Variants in ARFGEF3 observed in about 807,000 individuals in gnomAD.
The protein encoded by ARFGEF3 is ARFGEF family member 3.
ARFGEF3 carries 96 observed loss-of-function variants against 221.7 expected under a neutral mutation model. The observed-to-expected ratio is 0.43, with a 90% CI of 0.37 to 0.51. The LOEUF (loss-of-function observed/expected upper bound fraction) is 0.51, where lower values mean the gene tolerates loss of function less well. Ranked by LOEUF, ARFGEF3 falls within the 20% of genes least tolerant of loss-of-function variation. The pLI is 0.00. For synonymous variants in ARFGEF3, 1,145 were observed against 1,126.8 expected (o/e 1.02, Z -0.32); for missense variants, 2,410 against 2,789.9 (o/e 0.86, Z 3.07).
intron 22 of ARFGEF3, among the ~76,000 whole-genome samples, chr6:138,306,019 T>G (rs1342721290): frequency 6.6e-6 from 1 of 152,128 alleles, no homozygotes; most frequent in Non-Finnish European, 1.5e-5. Context: ...ATTAAAGACA[T>G]CAAGGTTTGA....
At chr6:138,220,875 C>T (rs1562358535) in intron 4 of ARFGEF3, among the ~76,000 whole-genome samples, 1 of 152,206 alleles carries the variant, frequency 6.6e-6, no homozygotes, top group African/African-American at 2.4e-5. Context: ...CATATAAACA[C>T]AGCTGAATCT....
At chr6:138,321,050 A>G (rs776526015) in intron 28 of ARFGEF3, 61 bp from the exon 29 acceptor site, 21 of 931,736 alleles carry the variant, frequency 2.3e-5, no homozygotes, top group Non-Finnish European at 3.3e-5. Flanking sequence ...ATAGATGGCC[A>G]TTTCAATCTA....
At chr6:138,287,567 A>G (rs1171106073) in intron 17 of ARFGEF3, among the ~76,000 whole-genome samples, 1 of 152,238 alleles carries the variant, frequency 6.6e-6, no homozygotes, top group East Asian at 1.9e-4. Context: ...TAAAGGGGAA[A>G]TTAAGCAGAC....
intron 2 of ARFGEF3, among the ~76,000 whole-genome samples, chr6:138,193,493 A>T (rs899682759): frequency 9.9e-5 from 15 of 152,226 alleles, no homozygotes; most frequent in African/African-American, 1.7e-4. Flanking sequence ...TATGTGTCTA[A>T]CATTTCACAC....
In ARFGEF3 at chr6:138,340,879, T is replaced by C. The variant is rs1780418564; in HGVS notation, c.*4393T>C. On this transcript the variant is annotated 3_prime_UTR_variant, in exon 34 of 34. Coordinates refer to ENST00000251691, the MANE Select transcript of ARFGEF3 (RefSeq NM_020340.5). ...ATGAGACTATTTGACATCTCAGATCTGTCTGGGATGTTATGGAGGTTTTTA... is the reference window on the plus strand; with the variant it reads ...ATGAGACTATTTGACATCTCAGATCCGTCTGGGATGTTATGGAGGTTTTTA... The C allele has an allele frequency of 6.6e-6, 1 of 152,204 alleles. No homozygotes were observed. Among genetic ancestry groups the C allele is most frequent in the Non-Finnish European group, 1.5e-5 (1 of 68,034 alleles). 9.4% of individuals were successfully genotyped at this position (152,204 alleles called of 1,614,324 possible).
At position 138,240,033 on chromosome 6, in the gene ARFGEF3, AT is replaced by A. The variant is rs577326223; in HGVS notation, c.543+1410del. Among the ~76,000 whole-genome samples the A allele has an allele frequency of 1.6e-3, 236 of 151,958 alleles. 1 individual carries two copies. Among genetic ancestry groups the A allele is most frequent in the African/African-American group, 5.0e-3 (207 of 41,452 alleles). ...CACTAATCTGAAAAAACAAATATTG[AT>A]TTTTTTTCTTTTCTGTTTGCTGTAT... On this transcript the variant is annotated intron_variant, in intron 6 of 33. Transcript: ENST00000251691.
chr6:138,334,489 G>A lies in ARFGEF3; in HGVS notation c.5643G>A (p.Arg1881=). The part of the protein sequence containing the change: ...PPRGKEKRQW[R]ARMPLLSVQP... ...GAGGCAAGGAGAAGAGACAGTGGCG[G>A]GCACGGATGCCCTTGCTCAGCGTCC... Residue 1881 remains arginine, a synonymous_variant, in exon 33 of 34, where the codon CGG becomes CGA. Transcript: ENST00000251691. This position sits in a 1 kb window ranked among gnomAD's most constrained non-coding sequence, Gnocchi z 5.1. 1 of 1,605,936 alleles carries A rather than the reference G, an allele frequency of 6.2e-7. No homozygotes were observed. The highest frequency in any genetic ancestry group is 8.5e-7 in the Non-Finnish European group (1 of 1,176,246).
intron 4 of ARFGEF3, among the ~76,000 whole-genome samples, chr6:138,219,312 G>A (rs1196191322): frequency 6.6e-6 from 1 of 152,164 alleles, no homozygotes; most frequent in Non-Finnish European, 1.5e-5. Context: ...GATAGTGGAC[G>A]ATGAGCCTGA....
intron 17 of ARFGEF3, among the ~76,000 whole-genome samples, chr6:138,287,573 C>G (rs1040853833): frequency 6.6e-6 from 1 of 152,178 alleles, no homozygotes; most frequent in Admixed American, 6.5e-5. Context: ...GGAAATTAAG[C>G]AGACGAAGAA....
At chr6:138,294,251 A>C in intron 20 of ARFGEF3, 125 bp downstream of exon 20, 1 of 1,016,864 alleles carries the variant, frequency 9.8e-7, no homozygotes, top group Non-Finnish European at 1.4e-6. Flanking sequence ...ACACAAGCTA[A>C]GCCCAAGTAT....
intron 33 of ARFGEF3, among the ~76,000 whole-genome samples, chr6:138,335,429 T>C (rs1319552091): frequency 2.0e-5 from 3 of 151,944 alleles, no homozygotes; most frequent in Non-Finnish European, 2.9e-5. Flanking sequence ...TTTTTCTCCA[T>C]AGTAATGTAT....
At chr6:138,247,655 C>CAAA (rs1778510083) in intron 8 of ARFGEF3, among the ~76,000 whole-genome samples, 1 of 152,214 alleles carries the variant, frequency 6.6e-6, no homozygotes, top group Non-Finnish European at 1.5e-5. Flanking sequence ...CCACGCTTTG[C>CAAA]CCCTTACTGG....
chr6:138,337,019 CAAG>C lies in ARFGEF3; in HGVS notation c.*536_*538del, dbSNP rs1394524912. 3.3e-5 allele frequency: 5 copies of C among 152,568 alleles called. No individual in the cohort carries two copies. The highest frequency in any genetic ancestry group is 1.2e-4 in the African/African-American group (5 of 41,410). The allele number at this position is 152,568 out of a possible 1,614,324, so 9.5% of individuals were successfully genotyped here. A position where few individuals can be genotyped will look rare whatever the true frequency, so the allele number is the denominator to read the frequency against. The stretch of plus-strand genomic sequence containing the variant: ...AATACATATTCTTGGGTGTCATAAT[CAAG>C]AAAGAGGTGACTTCTGTTGTAAAAT... On this transcript the variant is annotated 3_prime_UTR_variant, in exon 34 of 34. Coordinates refer to ENST00000251691, the MANE Select transcript of ARFGEF3 (RefSeq NM_020340.5).
intron 15 of ARFGEF3, 27 bp downstream of exon 15, chr6:138,286,080 A>G: frequency 8.0e-7 from 1 of 1,253,094 alleles, no homozygotes; most frequent in Non-Finnish European, 1.2e-6. Context: ...TGAGTTTATG[A>G]ACATCCATAC....
intron 22 of ARFGEF3, among the ~76,000 whole-genome samples, chr6:138,303,572 A>G (rs1372767111): frequency 6.6e-6 from 1 of 152,142 alleles, no homozygotes; most frequent in African/African-American, 2.4e-5. Context: ...TGGGAGGCCA[A>G]GGCAGGCAGA....
chr6:138,316,803 G>T lies in ARFGEF3; in HGVS notation c.4346-448G>T, dbSNP rs139123082. ...CATCTTGGAAACAGTAGTGATAGTC[G>T]CACAACATTGTTGTCATGAATACCT... On this transcript the variant is annotated intron_variant, in intron 26 of 33. Transcript: ENST00000251691. Among the ~76,000 whole-genome samples, 261 of 152,232 alleles carry T rather than the reference G, an allele frequency of 1.7e-3. 1 individual carries two copies. Among genetic ancestry groups the T allele is most frequent in the African/African-American group, 5.9e-3 (246 of 41,534 alleles).
chr6:138,303,583 T>A (rs765254670), intron 22 of ARFGEF3, among the ~76,000 whole-genome samples: 1 of 152,074 alleles, frequency 6.6e-6, no homozygotes, highest in Non-Finnish European at 1.5e-5. Context: ...GGCAGGCAGA[T>A]CACGAGGTCA....
intron 2 of ARFGEF3, among the ~76,000 whole-genome samples, chr6:138,200,792 A>G (rs1777519864): frequency 6.6e-6 from 1 of 152,218 alleles, no homozygotes; most frequent in Non-Finnish European, 1.5e-5. Flanking sequence ...AAAAACCCAA[A>G]AGCAAATGCA....
intron 11 of ARFGEF3, among the ~76,000 whole-genome samples, 154 bp downstream of exon 11, chr6:138,261,793 C>T (rs577186759): frequency 6.6e-6 from 1 of 152,274 alleles, no homozygotes; most frequent in South Asian, 2.1e-4. Flanking sequence ...AGACATATCT[C>T]AATTTATTAT....
Sources: allele counts gnomAD v4.1 joint callset (sites outside exome capture counted in the v4.1 genomes callset), GRCh38; gene constraint gnomAD v4.1.1; non-coding constraint Gnocchi (gnomAD v3.1); transcripts MANE v1.5; gene names NCBI Gene and HGNC (gene_info 2026-07-23, HGNC 2026-07-21).